Variants in SOS2 observed in about 807,000 individuals in gnomAD.
SOS2 encodes SOS Ras/Rho guanine nucleotide exchange factor 2, also known as son of sevenless homolog 2.
SOS2 carries 65 observed loss-of-function variants against 148.2 expected under a neutral mutation model. That is an observed-to-expected ratio of 0.44 (90% CI 0.36 to 0.54). The LOEUF is 0.54. Among genes scored for constraint, SOS2 ranks in the 20% least tolerant of loss-of-function variants. SOS2 has a pLI of 0.00. For synonymous variants in SOS2, 539 were observed against 537.1 expected (o/e 1.00, Z -0.05); for missense variants, 1,341 against 1,590.2 (o/e 0.84, Z 2.67).
chr14:50,138,101 A>C (rs1474296468), intron 18 of SOS2, among the ~76,000 whole-genome samples: 4 of 152,104 alleles, frequency 2.6e-5, no homozygotes, highest in African/African-American at 7.2e-5. Context: ...TCAGCCTCCC[A>C]AAGTGCTGTG....
chr14:50,135,233 G>A (rs1026570222), intron 18 of SOS2, among the ~76,000 whole-genome samples: 3 of 151,852 alleles, frequency 2.0e-5, no homozygotes, highest in Admixed American at 1.3e-4. Context: ...GGCTGAGGCC[G>A]GGGGACTGCT....
intron 2 of SOS2, 108 bp downstream of exon 2, chr14:50,204,176 C>A (rs1237948256): frequency 6.4e-6 from 4 of 623,542 alleles, no homozygotes; most frequent in Non-Finnish European, 1.0e-5. Context: ...ATATATCATA[C>A]ATAATTTCAG....
intron 21 of SOS2, among the ~76,000 whole-genome samples, chr14:50,123,380 C>CG (rs1883584020): frequency 8.4e-6 from 1 of 118,504 alleles, no homozygotes; most frequent in South Asian, 2.8e-4. Flanking sequence ...CACCAGAGGG[C>CG]TTTTTTTTTT....
chr14:50,205,704 G>A (rs1886636769), intron 1 of SOS2, among the ~76,000 whole-genome samples: 1 of 152,068 alleles, frequency 6.6e-6, no homozygotes, highest in Non-Finnish European at 1.5e-5. Context: ...GGCCGAGGTG[G>A]GTGGATCACC....
chr14:50,167,113 A>T lies in SOS2; in HGVS notation c.1069-5504T>A, dbSNP rs183165459. Among the ~76,000 whole-genome samples the T allele has an allele frequency of 7.2e-3, 1,095 of 152,026 alleles. 4 individuals carry two copies. The highest frequency in any genetic ancestry group is 9.8e-3 in the Non-Finnish European group (666 of 67,954). ...ATCATATTTCTTTACGTGCTTTTTT[A>T]AAAAAAACACTAACTTTAAAAAAAA... On this transcript the variant is annotated intron_variant, in intron 8 of 22. Transcript: ENST00000216373.
chr14:50,203,735 G>T (rs1038886526), intron 2 of SOS2, among the ~76,000 whole-genome samples: 6 of 151,328 alleles, frequency 4.0e-5, no homozygotes, highest in Admixed American at 4.0e-4. Flanking sequence ...ACAATTTGTT[G>T]AGTTTTAGAA....
intron 8 of SOS2, among the ~76,000 whole-genome samples, chr14:50,169,531 T>C (rs1286157679): frequency 1.3e-5 from 2 of 151,418 alleles, no homozygotes; most frequent in South Asian, 2.1e-4. Context: ...TCTCAGCTAC[T>C]TGGGAGGCTG....
At chr14:50,197,412 A>G (rs371472668) in intron 4 of SOS2, among the ~76,000 whole-genome samples, 1 of 152,230 alleles carries the variant, frequency 6.6e-6, no homozygotes, top group East Asian at 1.9e-4. Context: ...CCTGTGTGCC[A>G]TCTGAGAAAA....
chr14:50,225,130 T>A (rs1854742688), intron 1 of SOS2, among the ~76,000 whole-genome samples: 1 of 152,164 alleles, frequency 6.6e-6, no homozygotes, highest in African/African-American at 2.4e-5. Context: ...AAGAAAATAA[T>A]TTTTTATGGA....
chr14:50,228,010 G>T (rs1016465998), intron 1 of SOS2, among the ~76,000 whole-genome samples: 4 of 151,404 alleles, frequency 2.6e-5, no homozygotes, highest in Non-Finnish European at 4.4e-5. Context: ...ATAAGATTAA[G>T]TTACAGCTTT....
At position 50,231,335 on chromosome 14, in the gene SOS2, T is replaced by A. The variant is rs934558787; in HGVS notation, c.-52A>T. ...GGGGGCAGCCCGCGGGCCGGGCCGG[T>A]GGCCTGACAGGCAGGGCGCGGGCCG... is the stretch of plus-strand genomic sequence containing the variant. On this transcript the variant is annotated 5_prime_UTR_variant, in exon 1 of 23. Coordinates refer to ENST00000216373, the MANE Select transcript of SOS2 (RefSeq NM_006939.4). The A allele has an allele frequency of 4.0e-6, 4 of 1,003,430 alleles. No homozygotes were observed. Among genetic ancestry groups the A allele is most frequent in the Admixed American group, 7.5e-5 (2 of 26,740 alleles). The allele number at this position is 1,003,430 out of a possible 1,614,324, so 62.2% of individuals were successfully genotyped here.
At chr14:50,220,244 C>CA (rs36053914) in intron 1 of SOS2, among the ~76,000 whole-genome samples, 5,138 of 140,040 alleles carry the variant, frequency 0.037, 138 homozygotes, top group Non-Finnish European at 0.052. Context: ...ACTAAAAATA[C>CA]AAAAAAAAAA....
chr14:50,205,692 G>A (rs1383630199), intron 1 of SOS2, among the ~76,000 whole-genome samples: 1 of 152,138 alleles, frequency 6.6e-6, no homozygotes, highest in Non-Finnish European at 1.5e-5. Flanking sequence ...AGCACTTTGG[G>A]AGGCCGAGGT....
At chr14:50,185,878 A>T (rs1885893254) in intron 5 of SOS2, among the ~76,000 whole-genome samples, 1 of 152,138 alleles carries the variant, frequency 6.6e-6, no homozygotes, top group African/African-American at 2.4e-5. Flanking sequence ...TTAGATAGGT[A>T]CTATCATCAT....
At chr14:50,128,325 A>G (rs961279144) in intron 21 of SOS2, among the ~76,000 whole-genome samples, 1 of 152,178 alleles carries the variant, frequency 6.6e-6, no homozygotes, top group African/African-American at 2.4e-5. Context: ...GGAAACGAAA[A>G]GAAAAGAAAA....
chr14:50,213,740 CA>C (rs1331121662), intron 1 of SOS2, among the ~76,000 whole-genome samples: 2 of 151,132 alleles, frequency 1.3e-5, no homozygotes, highest in African/African-American at 4.9e-5. Flanking sequence ...AATATTAATC[CA>C]ACTCAAATTA....
chr14:50,202,645 G>A (rs1886531260), intron 2 of SOS2, among the ~76,000 whole-genome samples: 1 of 152,188 alleles, frequency 6.6e-6, no homozygotes, highest in Admixed American at 6.5e-5. Flanking sequence ...TGAGGCAGGA[G>A]AACTGCTTGA....
intron 12 of SOS2, chr14:50,156,394 T>G (rs1462844629): frequency 6.6e-6 from 1 of 152,180 alleles, no homozygotes; most frequent in Non-Finnish European, 1.5e-5. Context: ...AAAGTAGGAA[T>G]AGTAATCATG....
chr14:50,229,949 G>C (rs1887490829), intron 1 of SOS2, among the ~76,000 whole-genome samples: 1 of 152,088 alleles, frequency 6.6e-6, no homozygotes, highest in Non-Finnish European at 1.5e-5. Flanking sequence ...TTACAGAATT[G>C]GGCTGCACAT....
Sources: gnomAD v4.1 joint callset for allele counts (sites outside exome capture counted in the v4.1 genomes callset) on GRCh38, gnomAD v4.1.1 for gene constraint, MANE v1.5 for transcripts, NCBI Gene and HGNC (gene_info 2026-07-23, HGNC 2026-07-21) for gene names.